Variants in SNTG1 observed in about 807,000 individuals in gnomAD.
SNTG1 encodes the protein gamma-1-syntrophin.
A neutral mutation model predicts 74.7 loss-of-function variants in SNTG1; 39 were observed. The observed-to-expected ratio is 0.52, with a 90% CI of 0.40 to 0.68. SNTG1 has a LOEUF of 0.68. SNTG1 is among the 30% of genes least tolerant of loss of function. SNTG1 has a pLI of 0.00. For missense variants in SNTG1, 685 were observed against 609.5 expected, an observed-to-expected ratio of 1.12 and a Z score of -1.30; for synonymous variants, 254 against 217.1, an observed-to-expected ratio of 1.17 and a Z score of -1.49.
chr8:50,691,519 G>T (rs2095379330), intron 15 of SNTG1, among the ~76,000 whole-genome samples: 2 of 152,188 alleles, frequency 1.3e-5, no homozygotes, highest in South Asian at 4.2e-4. Flanking sequence ...GCTTAGTTTG[G>T]CTGGATATGA....
intron 2 of SNTG1, among the ~76,000 whole-genome samples, chr8:50,290,374 G>A (rs1218054059): frequency 9.9e-5 from 15 of 152,276 alleles, no homozygotes; most frequent in Non-Finnish European, 2.9e-5. Context: ...GTCCTTGAAA[G>A]AGGATTCTTT....
chr8:49,934,422 G>C (rs1311627301), intron 1 of SNTG1, among the ~76,000 whole-genome samples: 1 of 151,886 alleles, frequency 6.6e-6, no homozygotes, highest in African/African-American at 2.4e-5. Flanking sequence ...AAATATAATA[G>C]AATGGTATTT....
chr8:50,190,389 C>G (rs1406423003), intron 2 of SNTG1, among the ~76,000 whole-genome samples: 1 of 152,036 alleles, frequency 6.6e-6, no homozygotes, highest in Non-Finnish European at 1.5e-5. Context: ...GATTATATTT[C>G]AGATTTATTT....
intron 4 of SNTG1, among the ~76,000 whole-genome samples, chr8:50,428,899 A>G (rs1481261907): frequency 6.6e-6 from 1 of 152,156 alleles, no homozygotes; most frequent in Non-Finnish European, 1.5e-5. Flanking sequence ...TTGTTCATTT[A>G]AAGTAGCATC....
At position 50,213,993 on chromosome 8, in the gene SNTG1, A is replaced by G. The variant is rs542156284; in HGVS notation, c.-28+41358A>G. Among the ~76,000 whole-genome samples, 58 of 152,102 alleles carry G rather than the reference A, an allele frequency of 3.8e-4. No homozygotes were observed. The South Asian group carries it at 4.8e-3, about 13-fold the overall frequency. ...CATTGCCTTTGGTGTTTTAGCCATG[A>G]AGTCCTTCCCCATGCCTATGTCCTG... is the stretch of plus-strand genomic sequence containing the variant. On this transcript the variant is annotated intron_variant, in intron 2 of 18. Coordinates refer to ENST00000642720, the MANE Select transcript of SNTG1 (RefSeq NM_018967.5).
intron 1 of SNTG1, among the ~76,000 whole-genome samples, chr8:50,083,755 T>C (rs893673622): frequency 2.0e-5 from 3 of 152,202 alleles, no homozygotes; most frequent in Non-Finnish European, 4.4e-5. Flanking sequence ...TAGTCCTGTT[T>C]CCTGAGAAAA....
chr8:50,266,083 T>G (rs143341744), intron 2 of SNTG1, among the ~76,000 whole-genome samples: 2,314 of 151,870 alleles, frequency 0.015, 46 homozygotes, highest in African/African-American at 0.043. Context: ...ATTGATGAGC[T>G]AATGCTAATA....
intron 12 of SNTG1, among the ~76,000 whole-genome samples, chr8:50,572,189 G>T (rs566521992): frequency 6.6e-6 from 1 of 151,408 alleles, no homozygotes; most frequent in Non-Finnish European, 1.5e-5. Flanking sequence ...TACTCCTATA[G>T]CATCTTGTTA....
chr8:49,945,474 T>G (rs113607461), intron 1 of SNTG1, among the ~76,000 whole-genome samples: 2 of 152,336 alleles, frequency 1.3e-5, no homozygotes, highest in Middle Eastern at 6.8e-3. Flanking sequence ...ATGGGTCTTA[T>G]GTTAAGCAGC....
chr8:50,676,841 A>T (rs1286662033), intron 15 of SNTG1, among the ~76,000 whole-genome samples: 1 of 151,996 alleles, frequency 6.6e-6, no homozygotes, highest in African/African-American at 2.4e-5. Flanking sequence ...AGATATTTCT[A>T]AAACAATGCA....
At chr8:49,938,774 A>G (rs1345184997) in intron 1 of SNTG1, among the ~76,000 whole-genome samples, 1 of 151,248 alleles carries the variant, frequency 6.6e-6, no homozygotes, top group Non-Finnish European at 1.5e-5. Flanking sequence ...TTTAAACTAG[A>G]TAACATATTT....
intron 1 of SNTG1, among the ~76,000 whole-genome samples, chr8:50,058,764 ATG>A (rs955637211): frequency 1.4e-5 from 2 of 145,624 alleles, no homozygotes; most frequent in African/African-American, 5.2e-5. Context: ...GTGTGTGTGT[ATG>A]TGTGTTTAGT....
intron 1 of SNTG1, among the ~76,000 whole-genome samples, chr8:50,093,555 G>T (rs894597835): frequency 5.3e-5 from 8 of 152,166 alleles, no homozygotes; most frequent in Admixed American, 5.2e-4. Context: ...TTTTAGGGCT[G>T]GACTAGAACT....
intron 1 of SNTG1, among the ~76,000 whole-genome samples, chr8:50,133,439 T>C (rs180824288): frequency 1.3e-5 from 2 of 152,206 alleles, no homozygotes; most frequent in Non-Finnish European, 2.9e-5. Context: ...TTTAGCTATC[T>C]GTATGTCAGC....
At chr8:49,941,013 T>C (rs1264963793) in intron 1 of SNTG1, among the ~76,000 whole-genome samples, 1 of 152,128 alleles carries the variant, frequency 6.6e-6, no homozygotes, top group Non-Finnish European at 1.5e-5. Flanking sequence ...CATTTAGAGA[T>C]GGGAACGTGG....
At chr8:50,215,512 G>T (rs1179334842) in intron 2 of SNTG1, among the ~76,000 whole-genome samples, 1 of 148,176 alleles carries the variant, frequency 6.7e-6, no homozygotes, top group Non-Finnish European at 1.5e-5. Flanking sequence ...ATAGATGAAA[G>T]GTTGAGATTA....
At chr8:50,020,350 A>G (rs552016056) in intron 1 of SNTG1, among the ~76,000 whole-genome samples, 1 of 152,260 alleles carries the variant, frequency 6.6e-6, no homozygotes, top group African/African-American at 2.4e-5. Flanking sequence ...GGAGACACAG[A>G]CAAGGCTTCC....
At position 50,085,315 on chromosome 8, in the gene SNTG1, T is replaced by C. The variant is rs374399946; in HGVS notation, c.-102-87246T>C. On this transcript the variant is annotated intron_variant, in intron 1 of 18. Transcript: ENST00000642720. ...CAGCATCTACACTCTCCTTTTTAAA[T>C]GTCACAATTCACAAAACTGACTTCC... Among the ~76,000 whole-genome samples the C allele has an allele frequency of 3.9e-5, 6 of 152,346 alleles. No homozygotes were observed. The East Asian group carries it at 9.7e-4, about 25-fold the overall frequency.
chr8:50,363,342 G>T (rs770327792), intron 2 of SNTG1, among the ~76,000 whole-genome samples: 1 of 152,172 alleles, frequency 6.6e-6, no homozygotes, highest in African/African-American at 2.4e-5. Flanking sequence ...GAATCTGGGA[G>T]GTAACAGTTG....
Sources: gnomAD v4.1 joint callset for allele counts (sites outside exome capture counted in the v4.1 genomes callset) on GRCh38, gnomAD v4.1.1 for gene constraint, MANE v1.5 for transcripts, NCBI Gene and HGNC (gene_info 2026-07-23, HGNC 2026-07-21) for gene names.